The following DOK5 variants were observed in gnomAD, a reference collection of about 807,000 sequenced individuals.
The protein encoded by DOK5 is downstream of tyrosine kinase 5.
A neutral mutation model predicts 43.3 loss-of-function variants in DOK5; 27 were observed. The ratio of observed to expected loss-of-function variants is 0.62; its 90% CI spans 0.46 to 0.86. The LOEUF (loss-of-function observed/expected upper bound fraction) is 0.86. Among genes scored for constraint, DOK5 ranks in the 40% least tolerant of loss-of-function variants. The pLI, the probability that DOK5 is intolerant of heterozygous loss-of-function variation, is 0.00. For missense variants in DOK5, 373 were observed against 392.9 expected (o/e 0.95, Z 0.43); for synonymous variants, 146 against 140.1 (o/e 1.04, Z -0.30).
intron 1 of DOK5, among the ~76,000 whole-genome samples, chr20:54,535,359 A>G (rs898828719): frequency 6.6e-6 from 1 of 151,808 alleles, no homozygotes; most frequent in Non-Finnish European, 1.5e-5. Flanking sequence ...TGAGACTGAC[A>G]TTCTAATTTT....
intron 2 of DOK5, among the ~76,000 whole-genome samples, chr20:54,557,479 A>G (rs1023977856): frequency 1.3e-5 from 2 of 152,200 alleles, no homozygotes; most frequent in African/African-American, 4.8e-5. Context: ...CTAATAGGCT[A>G]TAGACCAGTA....
chr20:54,499,337 T>C lies in DOK5; in HGVS notation c.66+23325T>C, dbSNP rs60390885. Among the ~76,000 whole-genome samples the C allele has an allele frequency of 2.9e-3, 446 of 152,356 alleles. 2 individuals are homozygous for C. The highest frequency in any genetic ancestry group is 0.01 in the African/African-American group (433 of 41,578). ...AACTCAGGCTCCAAGAATTTGGAAG[T>C]TGTCCAGAGTTACAGACAGGGTAAA... On this transcript the variant is annotated intron_variant, in intron 1 of 7. Coordinates refer to ENST00000262593, the MANE Select transcript of DOK5 (RefSeq NM_018431.5).
At chr20:54,520,245 T>A (rs1253663150) in intron 1 of DOK5, among the ~76,000 whole-genome samples, 1 of 152,178 alleles carries the variant, frequency 6.6e-6, no homozygotes, top group Non-Finnish European at 1.5e-5. Flanking sequence ...GTTCTCTCTT[T>A]TTCTCACATT....
intron 2 of DOK5, among the ~76,000 whole-genome samples, chr20:54,566,086 C>T (rs1288077862): frequency 6.6e-6 from 1 of 150,526 alleles, no homozygotes; most frequent in Non-Finnish European, 1.5e-5. Flanking sequence ...TTCATAATCA[C>T]ATCCTCCAGT....
intron 6 of DOK5, among the ~76,000 whole-genome samples, chr20:54,635,136 A>G (rs1978761924): frequency 6.6e-6 from 1 of 152,206 alleles, no homozygotes; most frequent in South Asian, 2.1e-4. Flanking sequence ...TTAACATTAA[A>G]ACAGAGACCT....
intron 6 of DOK5, among the ~76,000 whole-genome samples, chr20:54,613,095 C>T (rs1002120862): frequency 6.6e-6 from 1 of 152,150 alleles, no homozygotes; most frequent in African/African-American, 2.4e-5. Flanking sequence ...AATAGCTGAG[C>T]AGACTGGTTG....
intron 2 of DOK5, among the ~76,000 whole-genome samples, chr20:54,570,143 G>A (rs1278948933): frequency 1.3e-5 from 2 of 152,060 alleles, no homozygotes; most frequent in Non-Finnish European, 2.9e-5. Flanking sequence ...TAAAAGTTTT[G>A]TAACACATTA....
At chr20:54,578,125 C>G (rs1200472889) in intron 2 of DOK5, among the ~76,000 whole-genome samples, 1 of 152,126 alleles carries the variant, frequency 6.6e-6, no homozygotes, top group Non-Finnish European at 1.5e-5. Flanking sequence ...ATACTTCATG[C>G]ATTAAAAACC....
At chr20:54,564,442 T>C (rs549428441) in intron 2 of DOK5, among the ~76,000 whole-genome samples, 2 of 152,204 alleles carry the variant, frequency 1.3e-5, no homozygotes, top group African/African-American at 4.8e-5. Context: ...AAAAAGATTT[T>C]TATTAGAGAT....
intron 6 of DOK5, among the ~76,000 whole-genome samples, chr20:54,625,806 T>C (rs962749124): frequency 6.6e-6 from 1 of 152,172 alleles, no homozygotes; most frequent in Non-Finnish European, 1.5e-5. Context: ...GGAAGGCAGA[T>C]TATAGGGAAT....
chr20:54,606,344 TG>T (rs1986468257), intron 5 of DOK5, among the ~76,000 whole-genome samples: 1 of 152,130 alleles, frequency 6.6e-6, no homozygotes, highest in Non-Finnish European at 1.5e-5. Context: ...TTGGGCCACT[TG>T]GGGCCACTTT....
chr20:54,485,296 T>A (rs1387290436), intron 1 of DOK5, among the ~76,000 whole-genome samples: 2 of 147,502 alleles, frequency 1.4e-5, no homozygotes, highest in African/African-American at 5.1e-5. Context: ...GAGGTTGCAG[T>A]GAGCTGAGAT....
chr20:54,583,578 T>C (rs2146761241), intron 2 of DOK5, among the ~76,000 whole-genome samples: 1 of 152,340 alleles, frequency 6.6e-6, no homozygotes, highest in African/African-American at 2.4e-5. Flanking sequence ...ATGGGATACA[T>C]ATATATTATA....
intron 2 of DOK5, among the ~76,000 whole-genome samples, chr20:54,575,556 T>C (rs2146752675): frequency 6.6e-6 from 1 of 152,280 alleles, no homozygotes; most frequent in Middle Eastern, 3.4e-3. Flanking sequence ...TTATCCTGCC[T>C]CAGCCTCCTG....
intron 6 of DOK5, among the ~76,000 whole-genome samples, chr20:54,632,661 T>C (rs2208075): frequency 0.28 from 43,075 of 152,212 alleles, 8,033 homozygotes; most frequent in African/African-American, 0.53. Flanking sequence ...CGTGGGCTCT[T>C]ACCACCGTGG....
intron 1 of DOK5, among the ~76,000 whole-genome samples, chr20:54,477,659 A>AAC (rs1555821974): frequency 1.6e-4 from 25 of 152,002 alleles, no homozygotes; most frequent in Non-Finnish European, 2.8e-4. Flanking sequence ...AAAAAAAAAA[A>AAC]AACCCAGCAT....
At chr20:54,487,849 A>G (rs928273049) in intron 1 of DOK5, among the ~76,000 whole-genome samples, 14 of 152,108 alleles carry the variant, frequency 9.2e-5, no homozygotes, top group African/African-American at 3.4e-4. Context: ...CGGATGTACA[A>G]TGGATACTGC....
At chr20:54,585,620 G>A (rs1600718270) in intron 2 of DOK5, among the ~76,000 whole-genome samples, 1 of 152,190 alleles carries the variant, frequency 6.6e-6, no homozygotes, top group East Asian at 1.9e-4. Flanking sequence ...GGGCTAAAGA[G>A]CCTCTGGTTG....
intron 1 of DOK5, among the ~76,000 whole-genome samples, chr20:54,523,585 CAAAT>C (rs1376904629): frequency 1.3e-5 from 2 of 152,032 alleles, no homozygotes; most frequent in South Asian, 2.1e-4. Context: ...TCAACCAAAT[CAAAT>C]AAATAAATAA....
Sources: allele counts gnomAD v4.1 joint callset (sites outside exome capture counted in the v4.1 genomes callset), GRCh38; gene constraint gnomAD v4.1.1; transcripts MANE v1.5; gene names NCBI Gene and HGNC (gene_info 2026-07-23, HGNC 2026-07-21).